Variants in KCNK10 observed in about 807,000 individuals in gnomAD.
The protein encoded by KCNK10 is potassium two pore domain channel subfamily K member 10.
A neutral mutation model predicts 47.7 loss-of-function variants in KCNK10; 25 were observed. The ratio of observed to expected loss-of-function variants is 0.52; its 90% confidence interval spans 0.38 to 0.73. The LOEUF (loss-of-function observed/expected upper bound fraction) is 0.73. KCNK10 is among the 30% of genes least tolerant of loss of function. The probability of loss-of-function intolerance (pLI) is 0.00; values close to 1 mark genes in which losing one functional copy is unlikely to be tolerated. For synonymous variants in KCNK10, 303 were observed against 285.6 expected, an observed-to-expected ratio of 1.06 and a Z score of -0.61; for missense variants, 563 against 714.5, an observed-to-expected ratio of 0.79 and a Z score of 2.42.
intron 4 of KCNK10, among the ~76,000 whole-genome samples, chr14:88,210,310 T>C (rs1028621493): frequency 2.6e-5 from 4 of 152,232 alleles, no homozygotes; most frequent in African/African-American, 9.6e-5. Flanking sequence ...CTGGTCTTGA[T>C]GCATGGCTGT....
At chr14:88,252,248 T>G (rs1886821878) in intron 2 of KCNK10, among the ~76,000 whole-genome samples, 2 of 152,146 alleles carry the variant, frequency 1.3e-5, no homozygotes, top group African/African-American at 2.4e-5. Context: ...GGGGCACTAT[T>G]AACAATTACT....
chr14:88,263,538 T>C lies in KCNK10; in HGVS notation c.66A>G (p.Ala22=), dbSNP rs770813771. ...TCTTGGGCTGGCACACCGGTGCTGCTGCGGGAACGGCCACTGAGGAGTCAG... is the reference window on the plus strand; with the variant it reads ...TCTTGGGCTGGCACACCGGTGCTGCCGCGGGAACGGCCACTGAGGAGTCAG... ...VNWDPKVAVP[A]AAPVCQPKSA... Residue 22 remains alanine, a synonymous_variant, in exon 2 of 7, where the codon GCA becomes GCG. Coordinates refer to ENST00000319231, the MANE Select transcript of KCNK10 (RefSeq NM_138317.3). The C allele has an allele frequency of 7.4e-6, 12 of 1,610,942 alleles. No individual in the cohort carries two copies. Among genetic ancestry groups the C allele is most frequent in the Admixed American group, 5.0e-5 (3 of 59,980 alleles).
chr14:88,271,377 C>G (rs1477987341), intron 1 of KCNK10, among the ~76,000 whole-genome samples: 1 of 152,130 alleles, frequency 6.6e-6, no homozygotes, highest in Admixed American at 6.5e-5. Flanking sequence ...ATGGAAGCAC[C>G]CCTGGCACTA....
At chr14:88,193,926 CT>C (rs1314233965) in intron 4 of KCNK10, among the ~76,000 whole-genome samples, 1 of 152,166 alleles carries the variant, frequency 6.6e-6, no homozygotes, top group Non-Finnish European at 1.5e-5. Flanking sequence ...TCCTCTGTCC[CT>C]TCTGTGAAGG....
chr14:88,285,476 T>C (rs1213308609), intron 1 of KCNK10, among the ~76,000 whole-genome samples: 2 of 152,206 alleles, frequency 1.3e-5, no homozygotes, highest in African/African-American at 2.4e-5. Flanking sequence ...CAGAGACTAG[T>C]TAATTGAAAG....
chr14:88,303,162 G>A (rs556993664), intron 1 of KCNK10, among the ~76,000 whole-genome samples: 1 of 152,302 alleles, frequency 6.6e-6, no homozygotes, highest in Non-Finnish European at 1.5e-5. Flanking sequence ...GATCAAGAGA[G>A]GCAGGGCAGG....
intron 4 of KCNK10, among the ~76,000 whole-genome samples, chr14:88,203,323 C>T (rs1885163450): frequency 6.6e-6 from 1 of 152,206 alleles, no homozygotes; most frequent in Non-Finnish European, 1.5e-5. Context: ...GGTAGCTATC[C>T]AATATCCTTT....
At chr14:88,242,737 G>A (rs1254437320) in intron 2 of KCNK10, among the ~76,000 whole-genome samples, 2 of 152,138 alleles carry the variant, frequency 1.3e-5, no homozygotes, top group African/African-American at 2.4e-5. Context: ...CCTTTCCACC[G>A]GTAGCATCTC....
chr14:88,292,543 G>T (rs994937353), intron 1 of KCNK10, among the ~76,000 whole-genome samples: 1 of 152,174 alleles, frequency 6.6e-6, no homozygotes, highest in African/African-American at 2.4e-5. Flanking sequence ...TAGAGACGGG[G>T]TTTTACCATT....
At chr14:88,270,870 C>T (rs370283141) in intron 1 of KCNK10, 16 of 778,796 alleles carry the variant, frequency 2.1e-5, no homozygotes, top group East Asian at 4.9e-5. Context: ...GCTCTGAAGG[C>T]GCCACCAACA....
rs937984580 is a variant in KCNK10, at chr14:88,183,616, G to A, written c.*1919C>T. The A allele has an allele frequency of 4.6e-5, 7 of 152,356 alleles. No homozygotes were observed. The highest frequency in any genetic ancestry group is 1.7e-4 in the African/African-American group (7 of 41,452). The allele number at this position is 152,356 out of a possible 1,614,324, so 9.4% of individuals were successfully genotyped here. ...AGTCGACACAGGATGTCACCAGTGA[G>A]CCTCATCTCCAGTCCAATGGAGGAG... is the stretch of plus-strand genomic sequence containing the variant. On this transcript the variant is annotated 3_prime_UTR_variant, in exon 7 of 7. Coordinates refer to ENST00000319231, the MANE Select transcript of KCNK10 (RefSeq NM_138317.3).
chr14:88,229,063 G>A (rs1488609974), intron 3 of KCNK10, among the ~76,000 whole-genome samples: 4 of 152,164 alleles, frequency 2.6e-5, no homozygotes, highest in African/African-American at 7.2e-5. Context: ...AAACATTCAA[G>A]TAACTTGTGA....
intron 1 of KCNK10, among the ~76,000 whole-genome samples, chr14:88,308,218 T>C (rs1214824972): frequency 1.3e-5 from 2 of 152,308 alleles, no homozygotes; most frequent in East Asian, 1.9e-4. Flanking sequence ...TGATAGATAC[T>C]GGAAGGATGG....
chr14:88,228,584 A>T (rs771564893), intron 3 of KCNK10, among the ~76,000 whole-genome samples: 4 of 152,196 alleles, frequency 2.6e-5, no homozygotes, highest in Non-Finnish European at 4.4e-5. Flanking sequence ...CCTGTTTCTG[A>T]ATCCATTCAA....
At chr14:88,207,107 CT>C (rs1178321103) in intron 4 of KCNK10, among the ~76,000 whole-genome samples, 2 of 150,418 alleles carry the variant, frequency 1.3e-5, no homozygotes, top group African/African-American at 4.9e-5. Flanking sequence ...AGCCTAAGAA[CT>C]TTTTTTCCCC....
chr14:88,213,921 T>TTTATTA (rs35954048), intron 4 of KCNK10, among the ~76,000 whole-genome samples: 10,581 of 126,304 alleles, frequency 0.084, 580 homozygotes, highest in African/African-American at 0.14. Flanking sequence ...TTTATTTTAC[T>TTTATTA]TTATTATTAT....
chr14:88,243,375 C>T (rs933473101), intron 2 of KCNK10, among the ~76,000 whole-genome samples: 3 of 152,306 alleles, frequency 2.0e-5, no homozygotes, highest in Admixed American at 2.0e-4. Flanking sequence ...TGTCCTAGGT[C>T]ACCCAGCCAG....
chr14:88,208,264 CA>C (rs1455370715), intron 4 of KCNK10, among the ~76,000 whole-genome samples: 1 of 152,050 alleles, frequency 6.6e-6, no homozygotes, highest in Non-Finnish European at 1.5e-5. Context: ...AGAAGAGAAG[CA>C]AATGTGTGCT....
At chr14:88,262,817 A>C (rs2139753182) in intron 2 of KCNK10, among the ~76,000 whole-genome samples, 1 of 152,232 alleles carries the variant, frequency 6.6e-6, no homozygotes, top group Middle Eastern at 3.4e-3. Flanking sequence ...AGGTTAATAT[A>C]TCCCTGCTTA....
Sources: gnomAD v4.1 joint callset for allele counts (sites outside exome capture counted in the v4.1 genomes callset) on GRCh38, gnomAD v4.1.1 for gene constraint, MANE v1.5 for transcripts, NCBI Gene and HGNC (gene_info 2026-07-23, HGNC 2026-07-21) for gene names.